WDPCP: variants seen among roughly 807,000 people sequenced by gnomAD.
WDPCP encodes WD repeat-containing and planar cell polarity effector protein fritz homolog.
WDPCP carries 71 observed loss-of-function variants against 93.1 expected under a neutral mutation model. The ratio of observed to expected loss-of-function variants is 0.76; its 90% CI spans 0.63 to 0.93. The LOEUF (loss-of-function observed/expected upper bound fraction) is 0.93, where lower values mean the gene tolerates loss of function less well. Ranked by LOEUF, WDPCP falls within the 40% of genes least tolerant of loss-of-function variation. The pLI is 0.00. For synonymous variants in WDPCP, 315 were observed against 315.0 expected (o/e 1.00, Z 0.00); for missense variants, 844 against 887.4 (o/e 0.95, Z 0.62).
At chr2:63,806,396 C>A (rs1004580271) in intron 2 of WDPCP, among the ~76,000 whole-genome samples, 1 of 152,074 alleles carries the variant, frequency 6.6e-6, no homozygotes, top group African/African-American at 2.4e-5. Context: ...GCATCAAGTA[C>A]TTTACAAGGT....
chr2:63,121,678 C>A lies in WDPCP; in HGVS notation c.*328G>T. 1 of 351,742 alleles carries A rather than the reference C, an allele frequency of 2.8e-6. No individual in the cohort carries two copies. 21.8% of individuals were successfully genotyped at this position (351,742 alleles called of 1,614,324 possible). A position where few individuals can be genotyped will look rare whatever the true frequency, so the allele number is the denominator to read the frequency against. On this transcript the variant is annotated 3_prime_UTR_variant, in exon 18 of 18. Transcript: ENST00000272321. ...AGCACTATGCCTGCCCCCTACTGCCCCTTTTTTAAAGTACCTGGGAGAACA... is the reference window on the plus strand; with the variant it reads ...AGCACTATGCCTGCCCCCTACTGCCACTTTTTTAAAGTACCTGGGAGAACA...
chr2:63,821,846 A>G (rs1457832503), intron 1 of WDPCP, among the ~76,000 whole-genome samples: 1 of 152,204 alleles, frequency 6.6e-6, no homozygotes, highest in Non-Finnish European at 1.5e-5. Context: ...TCAGAAAAAA[A>G]TACACACACA....
At chr2:63,599,148 C>G (rs1451154599) in intron 3 of WDPCP, 1 of 1,611,402 alleles carries the variant, frequency 6.2e-7, no homozygotes, top group Non-Finnish European at 8.5e-7. Context: ...TGTAACTCTT[C>G]AGTGCCTTCC....
chr2:63,312,482 A>G (rs965436206), intron 13 of WDPCP, among the ~76,000 whole-genome samples: 4 of 152,210 alleles, frequency 2.6e-5, no homozygotes, highest in Admixed American at 2.6e-4. Context: ...TTAATTGTGC[A>G]AAAGATTCAG....
chr2:63,473,874 G>A (rs561517190), intron 6 of WDPCP, among the ~76,000 whole-genome samples: 2 of 152,108 alleles, frequency 1.3e-5, no homozygotes, highest in East Asian at 3.9e-4. Context: ...CTATAATTAC[G>A]TTTTGCTGAA....
chr2:63,362,277 T>TGTGTG (rs1553362984), intron 12 of WDPCP, among the ~76,000 whole-genome samples: 2 of 94,106 alleles, frequency 2.1e-5, no homozygotes, highest in Non-Finnish European at 3.8e-5. Context: ...TTTTTTTTGG[T>TGTGTG]TGTGTGTGTG....
intron 3 of WDPCP, among the ~76,000 whole-genome samples, chr2:63,602,119 G>A (rs1017645404): frequency 2.6e-5 from 4 of 152,096 alleles, no homozygotes; most frequent in Non-Finnish European, 2.9e-5. Flanking sequence ...GGATTAGATC[G>A]GTCAAAAGTG....
At chr2:63,293,797 T>C (rs887191895) in intron 13 of WDPCP, among the ~76,000 whole-genome samples, 66 of 151,914 alleles carry the variant, frequency 4.3e-4, no homozygotes, top group African/African-American at 1.6e-3. Context: ...GACAGGACAA[T>C]AAACATTATC....
intron 14 of WDPCP, among the ~76,000 whole-genome samples, chr2:63,227,677 T>C (rs1313316530): frequency 6.6e-6 from 1 of 152,054 alleles, no homozygotes; most frequent in Non-Finnish European, 1.5e-5. Context: ...TGTGTCCTCA[T>C]TTGTAAATGG....
At chr2:63,575,509 T>A (rs1309075491) in intron 1 of WDPCP, among the ~76,000 whole-genome samples, 1 of 107,638 alleles carries the variant, frequency 9.3e-6, no homozygotes, top group Non-Finnish European at 1.8e-5. Flanking sequence ...GTATATACAC[T>A]GTATATATAG....
chr2:63,749,543 A>C (rs1200780447), intron 2 of WDPCP, among the ~76,000 whole-genome samples: 1 of 152,086 alleles, frequency 6.6e-6, no homozygotes, highest in African/African-American at 2.4e-5. Flanking sequence ...AATATTCAAC[A>C]CTTTATTATA....
At chr2:63,836,868 C>A in the WDPCP span, among the ~76,000 whole-genome samples, 1 of 152,168 alleles carries the variant, frequency 6.6e-6, no homozygotes, top group Non-Finnish European at 1.5e-5. Flanking sequence ...TAAACATGAA[C>A]AAGATAATGT....
At chr2:63,779,049 A>G (rs1670348673) in intron 2 of WDPCP, among the ~76,000 whole-genome samples, 1 of 152,176 alleles carries the variant, frequency 6.6e-6, no homozygotes, top group South Asian at 2.1e-4. Context: ...CCTTCTTTGA[A>G]TCCCAATGTT....
At chr2:63,673,590 C>G (rs1575744200) in intron 2 of WDPCP, among the ~76,000 whole-genome samples, 1 of 152,146 alleles carries the variant, frequency 6.6e-6, no homozygotes, top group African/African-American at 2.4e-5. Flanking sequence ...CAGCTACACT[C>G]TCCACAAGAG....
chr2:63,383,563 A>C (rs1438539414), intron 10 of WDPCP, among the ~76,000 whole-genome samples: 1 of 152,204 alleles, frequency 6.6e-6, no homozygotes, highest in East Asian at 1.9e-4. Context: ...AAATACAAAA[A>C]TTAGCCAAGC....
intron 1 of WDPCP, among the ~76,000 whole-genome samples, chr2:63,575,467 G>GTA: frequency 1.5e-4 from 1 of 6,842 alleles, no homozygotes; most frequent in East Asian, 0.014. Context: ...CAGTATATAT[G>GTA]CAGTATATAC....
intron 9 of WDPCP, among the ~76,000 whole-genome samples, chr2:63,407,947 G>A (rs1694718362): frequency 6.6e-6 from 1 of 152,182 alleles, no homozygotes; most frequent in African/African-American, 2.4e-5. Flanking sequence ...CAAACAGATG[G>A]CAGTCTTGGA....
At chr2:63,175,906 A>G (rs980122460) in intron 14 of WDPCP, among the ~76,000 whole-genome samples, 2 of 152,136 alleles carry the variant, frequency 1.3e-5, no homozygotes, top group Admixed American at 1.3e-4. Context: ...ATGTGCAGAT[A>G]TCTCCGAGAC....
At chr2:63,122,355 T>G (rs1169038623) in intron 17 of WDPCP, among the ~76,000 whole-genome samples, 1 of 152,182 alleles carries the variant, frequency 6.6e-6, no homozygotes, top group Admixed American at 6.5e-5. Flanking sequence ...AATTGCAAAC[T>G]GTGGGTCATC....
Sources: allele counts gnomAD v4.1 joint callset (sites outside exome capture counted in the v4.1 genomes callset), GRCh38; gene constraint gnomAD v4.1.1; transcripts MANE v1.5; gene names NCBI Gene and HGNC (gene_info 2026-07-23, HGNC 2026-07-21).